Variants in TRERF1 observed in about 807,000 individuals in gnomAD.
TRERF1 encodes transcriptional-regulating factor 1.
TRERF1 carries 27 observed loss-of-function variants against 122.9 expected under a neutral mutation model. The ratio of observed to expected loss-of-function variants is 0.22; its 90% CI spans 0.16 to 0.30. TRERF1 has a LOEUF of 0.30. Ranked by LOEUF, TRERF1 falls within the 10% of genes least tolerant of loss-of-function variation. TRERF1 has a pLI of 1.00. For missense variants in TRERF1, 1,248 were observed against 1,560.3 expected (o/e 0.80, Z 3.37); for synonymous variants, 636 against 641.7 (o/e 0.99, Z 0.13).
chr6:42,282,042 G>A (rs1229169774), intron 4 of TRERF1, among the ~76,000 whole-genome samples: 1 of 152,206 alleles, frequency 6.6e-6, no homozygotes, highest in Non-Finnish European at 1.5e-5. Context: ...TTATGTGTCA[G>A]TTTGGCCAGG....
intron 2 of TRERF1, among the ~76,000 whole-genome samples, chr6:42,438,190 G>A (rs1785790196): frequency 6.6e-6 from 1 of 151,400 alleles, no homozygotes; most frequent in Admixed American, 6.6e-5. Flanking sequence ...CCAAAGTGCT[G>A]GGATTACAAG....
intron 2 of TRERF1, among the ~76,000 whole-genome samples, chr6:42,380,393 T>C (rs1345375926): frequency 1.3e-5 from 2 of 152,194 alleles, no homozygotes; most frequent in African/African-American, 4.8e-5. Context: ...GCAGCCTGTG[T>C]GGGGCATGCC....
At chr6:42,413,200 C>T (rs1439329056) in intron 2 of TRERF1, among the ~76,000 whole-genome samples, 10 of 152,156 alleles carry the variant, frequency 6.6e-5, no homozygotes, top group Admixed American at 6.5e-4. Context: ...GGATGAATTT[C>T]ATTGCAATAG....
At chr6:42,358,420 G>A (rs1356757888) in intron 3 of TRERF1, among the ~76,000 whole-genome samples, 1 of 152,132 alleles carries the variant, frequency 6.6e-6, no homozygotes, top group East Asian at 1.9e-4. Flanking sequence ...AGAACTCTTA[G>A]GCTCCAAGTG....
At chr6:42,237,404 G>C (rs867809137) in intron 15 of TRERF1, among the ~76,000 whole-genome samples, 21 of 152,218 alleles carry the variant, frequency 1.4e-4, no homozygotes, top group Admixed American at 3.9e-4. Flanking sequence ...GCTGGCTCCT[G>C]CAGGCCCCAA....
intron 2 of TRERF1, among the ~76,000 whole-genome samples, chr6:42,385,485 A>G (rs2151188010): frequency 6.6e-6 from 1 of 152,316 alleles, no homozygotes. Context: ...TAGAAGGTGC[A>G]CTATAATAAC....
intron 4 of TRERF1, among the ~76,000 whole-genome samples, chr6:42,291,953 T>C (rs1272406299): frequency 6.6e-6 from 1 of 151,932 alleles, no homozygotes; most frequent in African/African-American, 2.4e-5. Flanking sequence ...GCTTCTGGAG[T>C]CAAAGATTGG....
chr6:42,411,775 C>A (rs1161070368), intron 2 of TRERF1, among the ~76,000 whole-genome samples: 1 of 152,132 alleles, frequency 6.6e-6, no homozygotes, highest in African/African-American at 2.4e-5. Context: ...GTGACACAGG[C>A]TTCCCACCAT....
At chr6:42,413,962 C>A (rs928272173) in intron 2 of TRERF1, among the ~76,000 whole-genome samples, 1 of 152,130 alleles carries the variant, frequency 6.6e-6, no homozygotes, top group Non-Finnish European at 1.5e-5. Flanking sequence ...AATTAATAAA[C>A]CATGGGCCCA....
intron 3 of TRERF1, among the ~76,000 whole-genome samples, chr6:42,333,504 C>A (rs1386047915): frequency 6.6e-6 from 1 of 152,226 alleles, no homozygotes; most frequent in Non-Finnish European, 1.5e-5. Context: ...GCACCTGACA[C>A]AAATCTGCGG....
intron 13 of TRERF1, among the ~76,000 whole-genome samples, chr6:42,248,357 C>CT (rs112540098): frequency 0.028 from 4,040 of 145,848 alleles, 179 homozygotes; most frequent in African/African-American, 0.09. Context: ...TTATCTTTTT[C>CT]TTTTTTTTTT....
intron 4 of TRERF1, among the ~76,000 whole-genome samples, chr6:42,299,328 GA>G (rs1230965451): frequency 1.3e-5 from 2 of 152,078 alleles, no homozygotes; most frequent in Non-Finnish European, 2.9e-5. Flanking sequence ...AAAATGAAAT[GA>G]GGGGGGAAAA....
At chr6:42,414,536 T>TA in intron 2 of TRERF1, among the ~76,000 whole-genome samples, 1 of 152,380 alleles carries the variant, frequency 6.6e-6, no homozygotes. Context: ...GATCTAGTCT[T>TA]ACGACTAGTT....
intron 3 of TRERF1, among the ~76,000 whole-genome samples, chr6:42,326,097 G>A (rs1237328637): frequency 6.6e-6 from 1 of 152,054 alleles, no homozygotes; most frequent in Non-Finnish European, 1.5e-5. Flanking sequence ...GAGTTCAATT[G>A]AAACCCAAAC....
chr6:42,397,892 G>C (rs1179306778), intron 2 of TRERF1, among the ~76,000 whole-genome samples: 1 of 152,216 alleles, frequency 6.6e-6, no homozygotes, highest in Non-Finnish European at 1.5e-5. Context: ...CCTCCAGAAA[G>C]CATGGCCAAA....
At chr6:42,249,160 C>T (rs1775305992) in intron 13 of TRERF1, among the ~76,000 whole-genome samples, 1 of 152,174 alleles carries the variant, frequency 6.6e-6, no homozygotes, top group South Asian at 2.1e-4. Context: ...GTGTGGCCCT[C>T]AGCTGCATCT....
At chr6:42,449,116 T>C (rs1788027349) in intron 2 of TRERF1, among the ~76,000 whole-genome samples, 1 of 152,232 alleles carries the variant, frequency 6.6e-6, no homozygotes, top group East Asian at 1.9e-4. Flanking sequence ...AGAACAACTG[T>C]TTTCACAGCA....
intron 15 of TRERF1, among the ~76,000 whole-genome samples, chr6:42,242,731 G>A (rs1313465400): frequency 2.6e-5 from 4 of 152,190 alleles, no homozygotes; most frequent in Non-Finnish European, 5.9e-5. Context: ...GTAAGGATTA[G>A]AATCATCTAC....
At chr6:42,293,252 G>T (rs1561927659) in intron 4 of TRERF1, among the ~76,000 whole-genome samples, 1 of 152,226 alleles carries the variant, frequency 6.6e-6, no homozygotes, top group Non-Finnish European at 1.5e-5. Context: ...TCTCTGTGAG[G>T]CAGGCCCAGC....
Sources: gnomAD v4.1 joint callset for allele counts (sites outside exome capture counted in the v4.1 genomes callset) on GRCh38, gnomAD v4.1.1 for gene constraint, MANE v1.5 for transcripts, NCBI Gene and HGNC (gene_info 2026-07-23, HGNC 2026-07-21) for gene names.